Variants in CYB5A observed in about 807,000 individuals in gnomAD.
The protein encoded by CYB5A is cytochrome b5.
In CYB5A, 10 loss-of-function variants were observed where a neutral mutation model predicts 16.2. The observed-to-expected ratio is 0.62, with a 90% CI of 0.38 to 1.04. CYB5A has a LOEUF of 1.04. Ranked by LOEUF, CYB5A falls within the 50% of genes least tolerant of loss-of-function variation. CYB5A has a pLI of 0.01. For missense variants in CYB5A, 161 were observed against 165.9 expected, an observed-to-expected ratio of 0.97 and a Z score of 0.16; for synonymous variants, 62 against 57.0, an observed-to-expected ratio of 1.09 and a Z score of -0.40.
chr18:74,254,806 C>G (rs898487369), intron 4 of CYB5A, among the ~76,000 whole-genome samples: 16 of 152,274 alleles, frequency 1.1e-4, no homozygotes, highest in Middle Eastern at 6.8e-3. Context: ...AGGCGTGAGC[C>G]ACCGCGCCTG....
intron 1 of CYB5A, among the ~76,000 whole-genome samples, chr18:74,286,346 T>G (rs760927537): frequency 8.5e-5 from 13 of 152,374 alleles, no homozygotes; most frequent in Non-Finnish European, 1.9e-4. Flanking sequence ...TCCTGAACAA[T>G]TATATTTCAT....
intron 1 of CYB5A, 60 bp downstream of exon 1, chr18:74,291,687 A>G: frequency 1.2e-6 from 2 of 1,610,860 alleles, no homozygotes; most frequent in Non-Finnish European, 8.5e-7. Context: ...AGGTCATGCC[A>G]GTGAACCCCC....
intron 2 of CYB5A, among the ~76,000 whole-genome samples, chr18:74,262,123 G>C (rs549595415): frequency 9.9e-5 from 15 of 152,228 alleles, no homozygotes; most frequent in African/African-American, 3.6e-4. Flanking sequence ...TGCCACAGAG[G>C]GGTCTAAAAC....
At chr18:74,256,620 A>G (rs1482547549) in intron 3 of CYB5A, 3 of 574,002 alleles carry the variant, frequency 5.2e-6, no homozygotes, top group East Asian at 5.6e-5. Context: ...CCACACCAAC[A>G]TAAGCATTAG....
At chr18:74,273,121 C>T (rs1982734371) in intron 1 of CYB5A, among the ~76,000 whole-genome samples, 1 of 152,122 alleles carries the variant, frequency 6.6e-6, no homozygotes, top group Non-Finnish European at 1.5e-5. Flanking sequence ...GAAAGGAACA[C>T]AAATATGGCA....
intron 1 of CYB5A, among the ~76,000 whole-genome samples, chr18:74,286,549 A>G (rs1983327869): frequency 6.6e-6 from 1 of 152,238 alleles, no homozygotes; most frequent in African/African-American, 2.4e-5. Context: ...CTCCCAATGC[A>G]GATGGCAGTG....
At chr18:74,283,853 A>G (rs1453398437) in intron 1 of CYB5A, among the ~76,000 whole-genome samples, 8 of 152,214 alleles carry the variant, frequency 5.3e-5, no homozygotes, top group Non-Finnish European at 1.2e-4. Context: ...CTTGCTGAGC[A>G]AGCTGCAAAA....
Position 74,288,815 on chromosome 18 carries a change from G to A in CYB5A, c.129+2932C>T, listed in dbSNP as rs185874603. ...GCTGGGAAGCCAATGACCAGGACAT[G>A]CAATAAGCAAGAGATGGTCACAGAA... On this transcript the variant is annotated intron_variant, in intron 1 of 4. Transcript: ENST00000340533. 2.4e-4 allele frequency among the ~76,000 whole-genome samples: 36 copies of A among 152,316 alleles called. No homozygotes were observed. In the East Asian group the frequency reaches 6.6e-3, roughly 28 times the overall value.
intron 1 of CYB5A, among the ~76,000 whole-genome samples, chr18:74,272,040 G>T (rs57857886): frequency 0.1 from 15,323 of 152,214 alleles, 1,009 homozygotes; most frequent in Admixed American, 0.17. Flanking sequence ...AGAAATAAAA[G>T]ATTATTTTAA....
chr18:74,270,312 T>C (rs1023673264), intron 1 of CYB5A, among the ~76,000 whole-genome samples: 1 of 152,110 alleles, frequency 6.6e-6, no homozygotes, highest in Admixed American at 6.5e-5. Context: ...CCCAACACTT[T>C]GGGAGACCAA....
In CYB5A at chr18:74,253,678, A is replaced by C. The variant is rs759390978; in HGVS notation, c.324-13T>G. ...GTTGGTCCACCAACTAGAAAGACAC[A>C]AAAAGCAATGATGCTGACATGATGT... On this transcript the variant is annotated splice_polypyrimidine_tract_variant and intron_variant, in intron 4 of 4. Transcript: ENST00000340533. 9 of 1,590,178 alleles carry C rather than the reference A, an allele frequency of 5.7e-6. No homozygotes were observed. In the Admixed American group the frequency reaches 1.5e-4, roughly 27 times the overall value.
chr18:74,274,195 CA>C, intron 1 of CYB5A, among the ~76,000 whole-genome samples: 1 of 152,290 alleles, frequency 6.6e-6, no homozygotes. Context: ...AAAATAAGTA[CA>C]ATCAATAAAG....
At chr18:74,262,412 C>T (rs574223980) in intron 2 of CYB5A, among the ~76,000 whole-genome samples, 32 of 150,548 alleles carry the variant, frequency 2.1e-4, no homozygotes, top group African/African-American at 4.4e-4. Flanking sequence ...GCCGAGATCG[C>T]GCCACTGCAC....
intron 3 of CYB5A, chr18:74,260,508 C>A (rs1198497498): frequency 3.2e-6 from 1 of 310,842 alleles, no homozygotes; most frequent in East Asian, 8.5e-5. Context: ...GCCCAAGAGA[C>A]TTAAAGATGA....
chr18:74,264,198 G>GCCTGTCTCTGTCTC (rs1568216684), intron 1 of CYB5A, among the ~76,000 whole-genome samples: 64 of 116,628 alleles, frequency 5.5e-4, no homozygotes, highest in African/African-American at 1.9e-3. Context: ...GCAACAAAGT[G>GCCTGTCTCTGTCTC]AGACTCTGTC....
At chr18:74,256,781 A>C in intron 3 of CYB5A, 4 of 1,575,554 alleles carry the variant, frequency 2.5e-6, no homozygotes, top group South Asian at 2.2e-5. Context: ...GTGAAAAGAC[A>C]GACCCCTTTC....
At chr18:74,272,582 C>T (rs1343375512) in intron 1 of CYB5A, among the ~76,000 whole-genome samples, 1 of 152,168 alleles carries the variant, frequency 6.6e-6, no homozygotes, top group Non-Finnish European at 1.5e-5. Flanking sequence ...AGAACACTTG[C>T]AAGCAGAGTT....
intron 3 of CYB5A, chr18:74,260,662 T>C (rs1242175644): frequency 3.6e-6 from 2 of 559,754 alleles, no homozygotes; most frequent in Non-Finnish European, 6.7e-6. Flanking sequence ...TCAAATGGTA[T>C]ATATTGATAA....
intron 2 of CYB5A, chr18:74,261,195 C>T (rs1317508976): frequency 4.4e-6 from 2 of 455,856 alleles, no homozygotes; most frequent in South Asian, 2.1e-5. Flanking sequence ...GCTCTCTGTA[C>T]ATGCTGATGT....
Sources: allele counts gnomAD v4.1 joint callset (sites outside exome capture counted in the v4.1 genomes callset), GRCh38; gene constraint gnomAD v4.1.1; transcripts MANE v1.5; gene names NCBI Gene and HGNC (gene_info 2026-07-23, HGNC 2026-07-21).